The following CELF4 variants were observed in gnomAD, a reference collection of about 807,000 sequenced individuals.
The protein encoded by CELF4 is CUGBP Elav-like family member 4.
A neutral mutation model predicts 59.9 loss-of-function variants in CELF4; 18 were observed. That is an observed-to-expected ratio of 0.30 (90% CI 0.21 to 0.45). The LOEUF is 0.45. Among genes scored for constraint, CELF4 ranks in the 20% least tolerant of loss-of-function variants. CELF4 has a pLI of 1.00. For missense variants in CELF4, 456 were observed against 689.0 expected (o/e 0.66, Z 3.79); for synonymous variants, 261 against 267.1 (o/e 0.98, Z 0.22).
chr18:37,371,085 C>T (rs556056396), intron 2 of CELF4, among the ~76,000 whole-genome samples: 92 of 152,226 alleles, frequency 6.0e-4, no homozygotes, highest in Non-Finnish European at 1.2e-3. Context: ...TCCTCAGCCC[C>T]GAGCCTTAGA....
chr18:37,517,907 GT>G (rs1167568494), intron 1 of CELF4, among the ~76,000 whole-genome samples: 2 of 152,192 alleles, frequency 1.3e-5, no homozygotes, highest in Admixed American at 1.3e-4. Flanking sequence ...AGGCTGTGTA[GT>G]TCAGGGTGTG....
At chr18:37,525,372 G>T (rs539016687) in intron 1 of CELF4, among the ~76,000 whole-genome samples, 42 of 152,294 alleles carry the variant, frequency 2.8e-4, no homozygotes, top group Non-Finnish European at 3.8e-4. Context: ...GAAGAGGCAT[G>T]GCCACGCCTA....
chr18:37,491,840 T>C (rs551496276), intron 1 of CELF4, among the ~76,000 whole-genome samples: 50 of 152,250 alleles, frequency 3.3e-4, no homozygotes, highest in African/African-American at 1.2e-3. Flanking sequence ...CCCTCTCCCA[T>C]GTGGGGGGAA....
At chr18:37,520,603 G>A (rs988151743) in intron 1 of CELF4, among the ~76,000 whole-genome samples, 9 of 152,212 alleles carry the variant, frequency 5.9e-5, no homozygotes, top group South Asian at 2.1e-4. Context: ...GAGCAGAGCC[G>A]GGAGCCTAGA....
At chr18:37,403,066 A>G (rs1276634966) in intron 2 of CELF4, among the ~76,000 whole-genome samples, 1 of 151,298 alleles carries the variant, frequency 6.6e-6, no homozygotes, top group African/African-American at 2.4e-5. Context: ...GAGGAAGGGA[A>G]GGAGGAGGTG....
chr18:37,461,390 T>C (rs4799930), intron 2 of CELF4, among the ~76,000 whole-genome samples: 98,557 of 152,096 alleles, frequency 0.65, 33,113 homozygotes, highest in South Asian at 0.79. Context: ...GCAAACTCGT[T>C]CTTCAAATGT....
rs181266821 is a variant in CELF4 at position 37,490,098 on chromosome 18, A to G, written c.287-4491T>C. On this transcript the variant is annotated intron_variant, in intron 1 of 12. Transcript: ENST00000420428. ...AGTTAAAAAGATGAAAAGACCCTCA[A>G]TGTACCAGCATGGAAAGCCACATTG... is the stretch of plus-strand genomic sequence containing the variant. Among the ~76,000 whole-genome samples the G allele has an allele frequency of 5.3e-5, 8 of 152,360 alleles. No homozygotes were observed. The East Asian group carries it at 1.2e-3, about 22-fold the overall frequency.
chr18:37,366,821 A>C (rs1200765419), intron 2 of CELF4, among the ~76,000 whole-genome samples: 1 of 152,050 alleles, frequency 6.6e-6, no homozygotes, highest in Non-Finnish European at 1.5e-5. Context: ...CACTACATCC[A>C]GAGCCTCCCT....
At chr18:37,336,241 C>T (rs904099134) in intron 2 of CELF4, among the ~76,000 whole-genome samples, 5 of 152,352 alleles carry the variant, frequency 3.3e-5, no homozygotes, top group South Asian at 2.1e-4. Flanking sequence ...TTTCTCTATC[C>T]TGTGTAGGGC....
At chr18:37,532,375 G>C (rs951365930) in intron 1 of CELF4, among the ~76,000 whole-genome samples, 5 of 152,190 alleles carry the variant, frequency 3.3e-5, no homozygotes, top group African/African-American at 1.2e-4. Context: ...GGCAGGGACT[G>C]CATCTCAGTC....
At chr18:37,435,669 C>T (rs1159842648) in intron 2 of CELF4, among the ~76,000 whole-genome samples, 2 of 152,188 alleles carry the variant, frequency 1.3e-5, no homozygotes, top group Admixed American at 1.3e-4. Flanking sequence ...TTCTTCCTGC[C>T]CCCACCTCAT....
Position 37,335,482 on chromosome 18 carries a change from AGTGT to A in CELF4, c.370-13605_370-13602del, listed in dbSNP as rs55853220. Among the ~76,000 whole-genome samples the A allele has an allele frequency of 1.0e-2, 1,440 of 144,222 alleles. 9 individuals carry two copies. Among genetic ancestry groups the A allele is most frequent in the African/African-American group, 0.019 (756 of 39,434 alleles). 94.6% of individuals were successfully genotyped at this position (144,222 alleles called of 152,430 possible). On this transcript the variant is annotated intron_variant, in intron 2 of 12. Transcript: ENST00000420428. Reference sequence around the variant, plus strand: ...TGTGAGTATGCATGTCAGTGCATGCAGTGTGTGTGTGTGTGTGTGTGTGTGTGTG... The same window carrying A: ...TGTGAGTATGCATGTCAGTGCATGCAGTGTGTGTGTGTGTGTGTGTGTGTG...
At chr18:37,479,598 C>A (rs114399814) in intron 2 of CELF4, among the ~76,000 whole-genome samples, 2 of 152,132 alleles carry the variant, frequency 1.3e-5, no homozygotes, top group Non-Finnish European at 2.9e-5. Flanking sequence ...CATCCATTCT[C>A]CCAAAGAGAA....
chr18:37,522,022 A>G (rs1372551072), intron 1 of CELF4, among the ~76,000 whole-genome samples: 2 of 152,142 alleles, frequency 1.3e-5, no homozygotes, highest in African/African-American at 4.8e-5. Context: ...AATGCCTGCT[A>G]ACCTCTGCTC....
intron 3 of CELF4, among the ~76,000 whole-genome samples, chr18:37,317,378 GTTTCA>G (rs34671321): frequency 0.076 from 11,618 of 152,136 alleles, 1,233 homozygotes; most frequent in African/African-American, 0.24. Flanking sequence ...CAAAAGCAAA[GTTTCA>G]TTTCATCTCA....
intron 3 of CELF4, among the ~76,000 whole-genome samples, chr18:37,296,188 C>T (rs2154433464): frequency 6.6e-6 from 1 of 152,324 alleles, no homozygotes; most frequent in Non-Finnish European, 1.5e-5. Context: ...CAGGGTCTGG[C>T]CCTGTCACCC....
chr18:37,472,407 G>A (rs867634861), intron 2 of CELF4, among the ~76,000 whole-genome samples: 4 of 152,372 alleles, frequency 2.6e-5, no homozygotes, highest in Middle Eastern at 6.8e-3. Context: ...GCCAGGGGCC[G>A]GGGATGGATC....
chr18:37,324,627 T>C (rs1407113975), intron 2 of CELF4, among the ~76,000 whole-genome samples: 4 of 152,244 alleles, frequency 2.6e-5, no homozygotes, highest in African/African-American at 7.2e-5. Context: ...TGGTACCCCA[T>C]TGGGAAGGGT....
intron 2 of CELF4, among the ~76,000 whole-genome samples, chr18:37,359,109 A>C (rs76466004): frequency 0.038 from 5,726 of 152,104 alleles, 215 homozygotes; most frequent in African/African-American, 0.095. Context: ...AAAAAACAAA[A>C]CAAAACAAAA....
Sources: allele counts gnomAD v4.1 joint callset (sites outside exome capture counted in the v4.1 genomes callset), GRCh38; gene constraint gnomAD v4.1.1; transcripts MANE v1.5; gene names NCBI Gene and HGNC (gene_info 2026-07-23, HGNC 2026-07-21).